Variants in TVP23B observed in about 807,000 individuals in gnomAD.
TVP23B encodes Golgi apparatus membrane protein TVP23 homolog B.
A neutral mutation model predicts 30.6 loss-of-function variants in TVP23B; 10 were observed. The observed-to-expected ratio is 0.33, with a 90% CI of 0.20 to 0.55. The LOEUF (loss-of-function observed/expected upper bound fraction) is 0.55. TVP23B is among the 20% of genes least tolerant of loss of function. TVP23B has a pLI of 0.91. For missense variants in TVP23B, 153 were observed against 243.2 expected (o/e 0.63, Z 2.47); for synonymous variants, 67 against 83.1 (o/e 0.81, Z 1.06).
intron 1 of TVP23B, among the ~76,000 whole-genome samples, chr17:18,784,787 T>C (rs1447038265): frequency 6.6e-6 from 1 of 152,248 alleles, no homozygotes; most frequent in Non-Finnish European, 1.5e-5. Context: ...TGGCTCACCT[T>C]ATGTTCCTTG....
chr17:18,805,489 T>C (rs2036235603), intron 6 of TVP23B, 52 bp from the exon 7 acceptor site: 2 of 1,599,998 alleles, frequency 1.3e-6, no homozygotes, highest in African/African-American at 2.7e-5. Context: ...CCATGGTGTG[T>C]GAAGTGAAAT....
chr17:18,786,485 C>T (rs1413120206), intron 1 of TVP23B, among the ~76,000 whole-genome samples: 2 of 151,446 alleles, frequency 1.3e-5, no homozygotes, highest in African/African-American at 2.4e-5. Context: ...AAAAGTCTCC[C>T]TGGCCGCTGG....
chr17:18,805,565 T>C lies in TVP23B; in HGVS notation c.616T>C (p.Ter206ArgextTer25). 6.2e-7 allele frequency: 1 copy of C among 1,607,402 alleles called. No homozygotes were observed. Among genetic ancestry groups the C allele is most frequent in the Non-Finnish European group, 8.5e-7 (1 of 1,178,166 alleles). ...RQNTGDDQTS* is the reference protein window; with the variant it reads ...RQNTGDDQTSR ...GAACACTGGAGATGATCAGACTTCCTGAATAGAGAAAGCTTATGTGCTTTG... is the reference window on the plus strand; with the variant it reads ...GAACACTGGAGATGATCAGACTTCCCGAATAGAGAAAGCTTATGTGCTTTG... The change falls in exon 7 of 7, where the codon TGA becomes CGA. Residue 206 changes from the stop codon to arginine (R), a stop_lost. Coordinates refer to ENST00000307767, the MANE Select transcript of TVP23B (RefSeq NM_016078.6).
chr17:18,796,543 CAAA>C (rs1407485562), intron 3 of TVP23B: 2 of 151,582 alleles, frequency 1.3e-5, no homozygotes, highest in Non-Finnish European at 2.9e-5. Flanking sequence ...AACTCTGTCT[CAAA>C]AACAAAAAAC....
Position 18,781,234 on chromosome 17 carries a change from C to G in TVP23B, c.-60C>G, listed in dbSNP as rs1409741255. 5.2e-6 allele frequency: 8 copies of G among 1,551,530 alleles called. No individual in the cohort carries two copies. In the Admixed American group the frequency reaches 5.9e-5, roughly 11 times the overall value. On this transcript the variant is annotated 5_prime_UTR_variant, in exon 1 of 7. Coordinates refer to ENST00000307767, the MANE Select transcript of TVP23B (RefSeq NM_016078.6). The stretch of plus-strand genomic sequence containing the variant: ...GTGACGGGTCGCCTCAGTTCCGACC[C>G]GGACCCGTACGCTGCTGCGCTGACG...
At chr17:18,803,374 G>GA (rs2036197344) in intron 5 of TVP23B, among the ~76,000 whole-genome samples, 1 of 152,184 alleles carries the variant, frequency 6.6e-6, no homozygotes, top group African/African-American at 2.4e-5. Context: ...TTTATGATTT[G>GA]ACCCTTTACA....
rs769889662 is a variant in TVP23B at position 18,798,928 on chromosome 17, C to T, written c.447C>T (p.Phe149=). The stretch of plus-strand genomic sequence containing the variant: ...TTGCTTTTAGTGCACTCTTCTCCTT[C>T]AGAGTAAAGTGGTTGGTGAGTATCA... ...VIFAFSALFS[F]RVKWLAVVIM... The change falls in exon 5 of 7, where the codon TTC becomes TTT. Residue 149 remains phenylalanine, a synonymous_variant. Transcript: ENST00000307767. 2.4e-5 allele frequency: 38 copies of T among 1,612,862 alleles called. No individual in the cohort carries two copies. The highest frequency in any genetic ancestry group is 3.3e-5 in the Admixed American group (2 of 59,754).
At chr17:18,801,081 CAGAGG>C (rs1410991174) in intron 5 of TVP23B, among the ~76,000 whole-genome samples, 1 of 152,168 alleles carries the variant, frequency 6.6e-6, no homozygotes, top group Non-Finnish European at 1.5e-5. Flanking sequence ...GTAGAGAGTG[CAGAGG>C]AGAGAACAGT....
At chr17:18,787,945 G>C (rs2035932991) in intron 1 of TVP23B, among the ~76,000 whole-genome samples, 1 of 152,162 alleles carries the variant, frequency 6.6e-6, no homozygotes, top group African/African-American at 2.4e-5. Flanking sequence ...AGGGATAAAG[G>C]CAGGGAGGCT....
chr17:18,790,859 T>C, intron 2 of TVP23B, 37 bp from the exon 3 acceptor site: 1 of 1,586,370 alleles, frequency 6.3e-7, no homozygotes. Flanking sequence ...TGTAGTAAAA[T>C]GTAATTGCAT....
intron 1 of TVP23B, among the ~76,000 whole-genome samples, chr17:18,783,406 G>A (rs965523618): frequency 1.9e-4 from 29 of 152,144 alleles, no homozygotes; most frequent in Non-Finnish European, 3.5e-4. Flanking sequence ...AGGCCCGGCC[G>A]ACGGTTCCCA....
At chr17:18,788,669 C>T (rs1230952762) in intron 1 of TVP23B, among the ~76,000 whole-genome samples, 3 of 151,832 alleles carry the variant, frequency 2.0e-5, no homozygotes, top group Non-Finnish European at 2.9e-5. Context: ...GTAATCCCAA[C>T]AACTTGGAAG....
chr17:18,789,189 G>A, intron 1 of TVP23B, 164 bp from the exon 2 acceptor site: 1 of 1,071,380 alleles, frequency 9.3e-7, no homozygotes, highest in Non-Finnish European at 1.3e-6. Flanking sequence ...ATTTGAGGAG[G>A]CGGGTGGAGG....
At chr17:18,797,465 A>G in intron 3 of TVP23B, 114 bp from the exon 4 acceptor site, 2 of 1,500,946 alleles carry the variant, frequency 1.3e-6, no homozygotes, top group Non-Finnish European at 1.8e-6. Flanking sequence ...ACTGGATATT[A>G]TGGAGGTAAA....
At chr17:18,799,014 A>G (rs1210886589) in intron 5 of TVP23B, 71 bp downstream of exon 5, 17 of 1,545,288 alleles carry the variant, frequency 1.1e-5, no homozygotes, top group Non-Finnish European at 1.5e-5. Flanking sequence ...AGCAACAACT[A>G]CAACTGAGTC....
chr17:18,789,694 C>G (rs1458475638), intron 2 of TVP23B: 11 of 415,880 alleles, frequency 2.6e-5, no homozygotes, highest in African/African-American at 4.0e-5. Flanking sequence ...TGCTATTTTC[C>G]AAGAATGTAC....
chr17:18,787,218 G>A (rs1357169751), intron 1 of TVP23B, among the ~76,000 whole-genome samples: 1 of 152,068 alleles, frequency 6.6e-6, no homozygotes. Context: ...AACGTGGTGA[G>A]ACTCTGTCTC....
chr17:18,799,667 T>C (rs531287906), intron 5 of TVP23B, among the ~76,000 whole-genome samples: 38 of 152,314 alleles, frequency 2.5e-4, no homozygotes, highest in African/African-American at 8.2e-4. Flanking sequence ...TTGGAAAATA[T>C]AGTTTGTCAC....
At chr17:18,781,494 G>C in intron 1 of TVP23B, 189 bp downstream of exon 1, 1 of 1,117,132 alleles carries the variant, frequency 9.0e-7, no homozygotes, top group Non-Finnish European at 1.2e-6. Context: ...GCTGGGGGCG[G>C]CGTGACCCGT....
Sources: gnomAD v4.1 joint callset for allele counts (sites outside exome capture counted in the v4.1 genomes callset) on GRCh38, gnomAD v4.1.1 for gene constraint, MANE v1.5 for transcripts, NCBI Gene and HGNC (gene_info 2026-07-23, HGNC 2026-07-21) for gene names.